PCCA: variants seen among roughly 807,000 people sequenced by gnomAD.
PCCA encodes the protein propionyl-CoA carboxylase alpha chain, mitochondrial.
PCCA carries 74 observed loss-of-function variants against 101.3 expected under a neutral mutation model. That is an observed-to-expected ratio of 0.73 (90% CI 0.61 to 0.89). The LOEUF is 0.89. Among genes scored for constraint, PCCA ranks in the 40% least tolerant of loss-of-function variants. The pLI is 0.00. For missense variants in PCCA, 891 were observed against 907.0 expected (o/e 0.98, Z 0.23); for synonymous variants, 294 against 313.6 (o/e 0.94, Z 0.66).
At chr13:100,185,950 T>G (rs2057229692) in intron 6 of PCCA, among the ~76,000 whole-genome samples, 1 of 152,126 alleles carries the variant, frequency 6.6e-6, no homozygotes. Flanking sequence ...CCCGGCTAAA[T>G]TTCTTTCAGT....
intron 18 of PCCA, among the ~76,000 whole-genome samples, chr13:100,350,239 T>C (rs538444531): frequency 1.3e-5 from 2 of 152,318 alleles, no homozygotes; most frequent in South Asian, 4.1e-4. Context: ...ATAACACATT[T>C]ATACGTCAAT....
At chr13:100,218,537 T>C (rs759855233) in intron 7 of PCCA, among the ~76,000 whole-genome samples, 1 of 152,100 alleles carries the variant, frequency 6.6e-6, no homozygotes, top group Non-Finnish European at 1.5e-5. Flanking sequence ...AATTCCTGGG[T>C]CATGTGGTAA....
chr13:100,400,839 T>G (rs1187650694), intron 19 of PCCA, among the ~76,000 whole-genome samples: 1 of 151,982 alleles, frequency 6.6e-6, no homozygotes, highest in Non-Finnish European at 1.5e-5. Flanking sequence ...TTGGCCAGGA[T>G]GGTTTCGAAC....
At chr13:100,100,515 C>A (rs549779018) in intron 1 of PCCA, among the ~76,000 whole-genome samples, 1 of 152,190 alleles carries the variant, frequency 6.6e-6, no homozygotes, top group Non-Finnish European at 1.5e-5. Context: ...AAACAACAAA[C>A]GTTAAAATTC....
At chr13:100,321,902 A>G (rs2068088636) in intron 16 of PCCA, among the ~76,000 whole-genome samples, 1 of 152,056 alleles carries the variant, frequency 6.6e-6, no homozygotes, top group Non-Finnish European at 1.5e-5. Flanking sequence ...GTATAAAAGG[A>G]TGCATAGGAA....
At chr13:100,287,588 A>T (rs1217415867) in intron 12 of PCCA, among the ~76,000 whole-genome samples, 1 of 152,150 alleles carries the variant, frequency 6.6e-6, no homozygotes, top group African/African-American at 2.4e-5. Flanking sequence ...GGAAATTGGC[A>T]TACTTATATT....
chr13:100,372,431 A>G (rs894320655), intron 19 of PCCA, among the ~76,000 whole-genome samples: 6 of 152,166 alleles, frequency 3.9e-5, no homozygotes, highest in Admixed American at 2.6e-4. Flanking sequence ...GGATTTGGCA[A>G]TGGTTTCTTA....
At chr13:100,302,649 G>GGCAT (rs1295942426) in intron 13 of PCCA, among the ~76,000 whole-genome samples, 1 of 151,780 alleles carries the variant, frequency 6.6e-6, no homozygotes, top group East Asian at 1.9e-4. Context: ...TTTTGCCCAA[G>GGCAT]GCATTCTAAG....
At chr13:100,128,533 C>T (rs1184768286) in intron 4 of PCCA, among the ~76,000 whole-genome samples, 1 of 152,088 alleles carries the variant, frequency 6.6e-6, no homozygotes, top group Non-Finnish European at 1.5e-5. Flanking sequence ...CAGGGAAAGT[C>T]TTGCTGAGGG....
In PCCA at chr13:100,515,577, G is replaced by GT. The variant is rs779884567; in HGVS notation, c.2040+11dup. 2,157 of 1,612,950 alleles carry GT rather than the reference G, an allele frequency of 1.3e-3. 3 individuals are homozygous for GT. The highest frequency in any genetic ancestry group is 1.8e-3 in the Non-Finnish European group (2,085 of 1,179,878). ...CAAGCCTGGAGACGCGGTAAGGGCTGTGTGTGTCTCTCTGCAGGACATGCT... is the reference window on the plus strand; with the variant it reads ...CAAGCCTGGAGACGCGGTAAGGGCTGTTGTGTGTCTCTCTGCAGGACATGCT... On this transcript the variant is annotated intron_variant, in intron 22 of 23. Transcript: ENST00000376285.
At chr13:100,260,379 T>TG (rs2062404028) in intron 9 of PCCA, among the ~76,000 whole-genome samples, 4 of 135,506 alleles carry the variant, frequency 3.0e-5, no homozygotes, top group East Asian at 2.1e-4. Flanking sequence ...AGCAAATTAG[T>TG]TGTGTGTGTG....
intron 21 of PCCA, among the ~76,000 whole-genome samples, chr13:100,482,297 CGA>C (rs1190499394): frequency 4.6e-5 from 7 of 151,972 alleles, no homozygotes; most frequent in Non-Finnish European, 8.8e-5. Context: ...GATGCAGAGT[CGA>C]GAGAGAATTT....
At chr13:100,442,211 C>T (rs926606162) in intron 20 of PCCA, among the ~76,000 whole-genome samples, 2 of 152,034 alleles carry the variant, frequency 1.3e-5, no homozygotes, top group East Asian at 1.9e-4. Flanking sequence ...CCAGGCTGGC[C>T]TCAAACTCCT....
intron 4 of PCCA, among the ~76,000 whole-genome samples, chr13:100,131,115 G>A (rs1242724964): frequency 3.3e-5 from 5 of 151,984 alleles, no homozygotes; most frequent in East Asian, 1.9e-4. Context: ...TAGTGAAAAT[G>A]TTGCTCTAAA....
At chr13:100,251,316 A>G (rs2061740085) in intron 8 of PCCA, among the ~76,000 whole-genome samples, 1 of 152,276 alleles carries the variant, frequency 6.6e-6, no homozygotes, top group Non-Finnish European at 1.5e-5. Context: ...TTATATAAAT[A>G]GAACAGGTTA....
chr13:100,447,636 C>T (rs369418296), intron 20 of PCCA, among the ~76,000 whole-genome samples: 23 of 151,500 alleles, frequency 1.5e-4, no homozygotes, highest in African/African-American at 2.7e-4. Context: ...GGTGCCATTG[C>T]GCTCCAGCCT....
At chr13:100,220,233 G>A (rs962669486) in intron 7 of PCCA, among the ~76,000 whole-genome samples, 4 of 151,996 alleles carry the variant, frequency 2.6e-5, no homozygotes, top group South Asian at 2.1e-4. Flanking sequence ...TCAAAAGACC[G>A]TGTCCAATAT....
At chr13:100,235,155 T>G (rs1432355535) in intron 7 of PCCA, among the ~76,000 whole-genome samples, 1 of 152,078 alleles carries the variant, frequency 6.6e-6, no homozygotes, top group African/African-American at 2.4e-5. Flanking sequence ...CCTTACTGTT[T>G]AGGAAGGTAT....
At chr13:100,362,263 G>C (rs1056456512) in intron 18 of PCCA, among the ~76,000 whole-genome samples, 4 of 152,058 alleles carry the variant, frequency 2.6e-5, no homozygotes, top group African/African-American at 9.7e-5. Context: ...CTTGGAATTT[G>C]ACTGTATGTT....
Sources: gnomAD v4.1 joint callset for allele counts (sites outside exome capture counted in the v4.1 genomes callset) on GRCh38, gnomAD v4.1.1 for gene constraint, MANE v1.5 for transcripts, NCBI Gene and HGNC (gene_info 2026-07-23, HGNC 2026-07-21) for gene names.